Variants in REV1 observed in about 807,000 individuals in gnomAD.
REV1 encodes REV1 DNA directed polymerase, also known as translesion synthesis protein REV1.
Under a neutral mutation model 137.4 loss-of-function variants are expected in REV1, and 42 were observed. The observed-to-expected ratio is 0.31, with a 90% CI of 0.24 to 0.40. The LOEUF is 0.40. Among genes scored for constraint, REV1 ranks in the 10% least tolerant of loss-of-function variants. REV1 has a pLI of 1.00. For missense variants in REV1, 1,282 were observed against 1,490.1 expected (o/e 0.86, Z 2.30); for synonymous variants, 524 against 519.2 (o/e 1.01, Z -0.12).
At chr2:99,486,796 G>A (rs752835496) in intron 1 of REV1, among the ~76,000 whole-genome samples, 15 of 152,074 alleles carry the variant, frequency 9.9e-5, no homozygotes, top group Admixed American at 1.3e-4. Flanking sequence ...AGCCTACTAT[G>A]TACCAGGCAC....
intron 3 of REV1, among the ~76,000 whole-genome samples, chr2:99,454,590 A>AAAAAC (rs1683328228): frequency 6.9e-6 from 1 of 145,248 alleles, no homozygotes; most frequent in Non-Finnish European, 1.5e-5. Context: ...AAAAAAAAAA[A>AAAAAC]ACCCAAAAAT....
chr2:99,443,467 G>C lies in REV1; in HGVS notation c.351-998C>G, dbSNP rs566004768. 2.0e-5 allele frequency among the ~76,000 whole-genome samples: 3 copies of C among 152,206 alleles called. No individual in the cohort carries two copies. In the South Asian group the frequency reaches 6.2e-4, roughly 32 times the overall value. On this transcript the variant is annotated intron_variant, in intron 4 of 22. Coordinates refer to ENST00000258428, the MANE Select transcript of REV1 (RefSeq NM_016316.4). ...AATCATTTAAGAAATGACTGAATTG[G>C]CTTACAGAATACTAATTAAAAATAA...
intron 1 of REV1, among the ~76,000 whole-genome samples, chr2:99,468,268 G>A (rs996647773): frequency 7.2e-5 from 11 of 151,984 alleles, no homozygotes; most frequent in South Asian, 2.1e-4. Context: ...AAGAGACTCC[G>A]CCAATGCCTC....
chr2:99,412,050 G>A (rs1677232941), intron 13 of REV1, among the ~76,000 whole-genome samples: 3 of 150,786 alleles, frequency 2.0e-5, no homozygotes, highest in Non-Finnish European at 1.5e-5. Context: ...TGGCCAACAC[G>A]GTGAAACCAC....
chr2:99,483,820 T>C (rs1575263929), intron 1 of REV1, among the ~76,000 whole-genome samples: 1 of 152,002 alleles, frequency 6.6e-6, no homozygotes, highest in East Asian at 1.9e-4. Flanking sequence ...AAACCTAGGG[T>C]CTCATCTTAT....
At chr2:99,406,569 AATCCTT>A in intron 15 of REV1, 79 bp from the exon 16 acceptor site, 1 of 1,169,268 alleles carries the variant, frequency 8.6e-7, no homozygotes, top group Non-Finnish European at 1.2e-6. Flanking sequence ...ATCCTCAGCA[AATCCTT>A]TTCACTATCT....
At chr2:99,467,565 TGGCTGGGA>T (rs1220399765) in intron 1 of REV1, among the ~76,000 whole-genome samples, 3 of 151,968 alleles carry the variant, frequency 2.0e-5, no homozygotes, top group Non-Finnish European at 4.4e-5. Context: ...CCTAGAAGAG[TGGCTGGGA>T]GACTGGGCAA....
Position 99,468,795 on chromosome 2 carries a change from T to G in REV1, c.-10-3810A>C, listed in dbSNP as rs146624808. ...TGCAAAAGTACCCTTACCCTTAACA[T>G]TTAGGGTACACCTTCAATAAACATT... On this transcript the variant is annotated intron_variant, in intron 1 of 22. Transcript: ENST00000258428. Among the ~76,000 whole-genome samples, 16 of 152,280 alleles carry G rather than the reference T, an allele frequency of 1.1e-4. No homozygotes were observed. In the East Asian group the frequency reaches 3.1e-3, roughly 29 times the overall value.
In REV1 at chr2:99,434,345, C is replaced by T; in HGVS notation, c.1425G>A (p.Leu475=). ...GCTCATTTGTACCTGCTTTGCCTTT[C>T]AGGATTTTATTCTGGTAATACTGCC... ...LEWQYYQNKI[L]KGKAADIPDS... is the part of the protein sequence containing the mutation. Residue 475 remains leucine (L), a synonymous_variant, in exon 8 of 23, where the codon CTG becomes CTA. Transcript: ENST00000258428. 1.2e-6 allele frequency: 2 copies of T among 1,604,508 alleles called. No homozygotes were observed. The highest frequency in any genetic ancestry group is 1.7e-6 in the Non-Finnish European group (2 of 1,175,822).
At chr2:99,434,620 G>A (rs1657005107) in intron 7 of REV1, among the ~76,000 whole-genome samples, 172 bp from the exon 8 acceptor site, 1 of 151,990 alleles carries the variant, frequency 6.6e-6, no homozygotes, top group African/African-American at 2.4e-5. Flanking sequence ...CCATGTAAAT[G>A]TCATTTAAGT....
chr2:99,438,446 GCTTT>G (rs1309746557), intron 6 of REV1, 151 bp downstream of exon 6: 27 of 585,238 alleles, frequency 4.6e-5, no homozygotes, highest in Non-Finnish European at 6.2e-5. Context: ...TAATAAATTA[GCTTT>G]CTATGTTATG....
chr2:99,452,733 A>G (rs1376500034), intron 3 of REV1, among the ~76,000 whole-genome samples: 1 of 152,194 alleles, frequency 6.6e-6, no homozygotes. Context: ...AACATCCTCA[A>G]TGCATCCCAG....
chr2:99,478,030 C>T (rs922814051), intron 1 of REV1, among the ~76,000 whole-genome samples: 1 of 152,116 alleles, frequency 6.6e-6, no homozygotes, highest in Non-Finnish European at 1.5e-5. Context: ...GTCAGGAGTT[C>T]GAGACCAGCC....
chr2:99,479,102 G>T (rs946160210), intron 1 of REV1, among the ~76,000 whole-genome samples: 8 of 151,878 alleles, frequency 5.3e-5, no homozygotes, highest in Non-Finnish European at 1.2e-4. Flanking sequence ...GACCGAGGTG[G>T]GCGGATCACG....
chr2:99,413,645 G>A (rs898477452), intron 12 of REV1, among the ~76,000 whole-genome samples: 2 of 152,112 alleles, frequency 1.3e-5, no homozygotes, highest in Non-Finnish European at 2.9e-5. Context: ...AAGATGTAAC[G>A]TTTGAGCCCC....
At chr2:99,451,951 GA>G (rs1364089576) in intron 3 of REV1, among the ~76,000 whole-genome samples, 2 of 151,468 alleles carry the variant, frequency 1.3e-5, no homozygotes, top group African/African-American at 4.9e-5. Context: ...ACCCTATTTT[GA>G]ATTTTTTTTT....
intron 1 of REV1, among the ~76,000 whole-genome samples, chr2:99,472,428 G>A (rs1463034995): frequency 6.6e-6 from 1 of 152,214 alleles, no homozygotes; most frequent in Non-Finnish European, 1.5e-5. Context: ...CTCAGGCAAG[G>A]TGAAGAGTTC....
At position 99,421,568 on chromosome 2, in the gene REV1, C is replaced by G; in HGVS notation, c.1762G>C (p.Asp588His). The stretch of plus-strand genomic sequence containing the variant: ...ATACGAACAGCATTTGCAAATTCAT[C>G]AGGAGTAAGTTTGGTCTCTGCAAGG... ...EILAETKLTP[D>H]EFANAVRMEI... The change falls in exon 11 of 23, where the codon GAT becomes CAT. Residue 588 changes from aspartate (D) to histidine (H), a missense_variant. Transcript: ENST00000258428. 1 of 1,614,078 alleles carries G rather than the reference C, an allele frequency of 6.2e-7. No homozygotes were observed. The highest frequency in any genetic ancestry group is 8.5e-7 in the Non-Finnish European group (1 of 1,179,984).
chr2:99,401,073 T>C lies in REV1; in HGVS notation c.*168A>G, dbSNP rs751677832. The C allele has an allele frequency of 6.4e-5, 31 of 483,692 alleles. No individual in the cohort carries two copies. Among genetic ancestry groups the C allele is most frequent in the Non-Finnish European group, 1.1e-4 (29 of 268,864 alleles). 30.0% of individuals were successfully genotyped at this position (483,692 alleles called of 1,614,324 possible). On this transcript the variant is annotated 3_prime_UTR_variant, in exon 23 of 23. Coordinates refer to ENST00000258428, the MANE Select transcript of REV1 (RefSeq NM_016316.4). The stretch of plus-strand genomic sequence containing the variant: ...AAAATAATTAACACAATTATTTACA[T>C]GCAATACTGACAAATTTGGCACTTT...
Sources: gnomAD v4.1 joint callset for allele counts (sites outside exome capture counted in the v4.1 genomes callset) on GRCh38, gnomAD v4.1.1 for gene constraint, MANE v1.5 for transcripts, NCBI Gene and HGNC (gene_info 2026-07-23, HGNC 2026-07-21) for gene names.